The following NUP98 variants were observed in gnomAD, a reference collection of about 807,000 sequenced individuals.
NUP98 encodes the protein nucleoporin 98 and 96 precursor.
In NUP98, 26 loss-of-function variants were observed where a neutral mutation model predicts 191.9. The observed-to-expected ratio is 0.14, with a 90% CI of 0.10 to 0.19. NUP98 has a LOEUF of 0.19. NUP98 is among the 10% of genes least tolerant of loss of function. The pLI is 1.00. For missense variants in NUP98, 1,941 were observed against 2,178.8 expected, an observed-to-expected ratio of 0.89 and a Z score of 2.17; for synonymous variants, 808 against 778.4, an observed-to-expected ratio of 1.04 and a Z score of -0.63.
chr11:3,760,098 A>G (rs1240518852), intron 10 of NUP98: 2 of 160,506 alleles, frequency 1.2e-5, no homozygotes, highest in East Asian at 3.2e-4. Context: ...CGATATAAAG[A>G]CCCTGTTCTC....
chr11:3,702,403 A>T, intron 23 of NUP98, 60 bp downstream of exon 23: 4 of 1,303,692 alleles, frequency 3.1e-6, no homozygotes, highest in African/African-American at 1.6e-5. Context: ...TATCCTCCTG[A>T]TTAGTTTTTT....
chr11:3,726,210 A>AT (rs1193085028), intron 14 of NUP98, among the ~76,000 whole-genome samples: 9 of 152,310 alleles, frequency 5.9e-5, no homozygotes, highest in African/African-American at 1.9e-4. Context: ...TAACAAAAAC[A>AT]TAAAAAAAAA....
Position 3,768,665 on chromosome 11 carries a change from T to C in NUP98, c.864A>G (p.Pro288=). ...NQQTTSLFSK[P]FGQATTTQNT... ...TCTGGGTGGTTGTAGCCTGGCCAAATGGTTTGCTGAAGAGGCTGGTAGTCT... is the reference window on the plus strand; with the variant it reads ...TCTGGGTGGTTGTAGCCTGGCCAAACGGTTTGCTGAAGAGGCTGGTAGTCT... The change falls in exon 8 of 33, where the codon CCA becomes CCG. Residue 288 remains proline, a synonymous_variant. Coordinates refer to ENST00000324932, the MANE Select transcript of NUP98 (RefSeq NM_016320.5). 6.2e-7 allele frequency: 1 copy of C among 1,611,108 alleles called. No homozygotes were observed. Among genetic ancestry groups the C allele is most frequent in the Non-Finnish European group, 8.5e-7 (1 of 1,178,408 alleles).
At chr11:3,794,896 A>T (rs1476844545) in intron 1 of NUP98, among the ~76,000 whole-genome samples, 5 of 152,226 alleles carry the variant, frequency 3.3e-5, no homozygotes. Context: ...TACAGTAGTC[A>T]GTCACCATGC....
chr11:3,698,373 T>C (rs921005886), intron 25 of NUP98, among the ~76,000 whole-genome samples: 3 of 152,168 alleles, frequency 2.0e-5, no homozygotes, highest in Non-Finnish European at 4.4e-5. Context: ...ATTACAAATG[T>C]AATATAAAAT....
intron 1 of NUP98, among the ~76,000 whole-genome samples, chr11:3,795,210 G>A (rs1018781016): frequency 6.6e-6 from 1 of 152,184 alleles, no homozygotes; most frequent in Non-Finnish European, 1.5e-5. Context: ...GGAGGCCGAG[G>A]TGGGGGATGG....
At chr11:3,733,519 T>G (rs188383940) in intron 13 of NUP98, among the ~76,000 whole-genome samples, 4 of 151,742 alleles carry the variant, frequency 2.6e-5, no homozygotes, top group Non-Finnish European at 5.9e-5. Context: ...ACCATGTTGG[T>G]CAGGCTGGTC....
At chr11:3,723,958 A>G (rs569509277) in intron 15 of NUP98, among the ~76,000 whole-genome samples, 2 of 151,946 alleles carry the variant, frequency 1.3e-5, no homozygotes, top group Non-Finnish European at 2.9e-5. Flanking sequence ...GTCCACTAAC[A>G]AGGAACTGGT....
intron 12 of NUP98, among the ~76,000 whole-genome samples, chr11:3,738,689 G>A (rs984024955): frequency 7.4e-6 from 1 of 135,822 alleles, no homozygotes; most frequent in Non-Finnish European, 1.5e-5. Flanking sequence ...TGAGACAGGA[G>A]AATTGTCTGA....
In NUP98 at chr11:3,700,696, A is replaced by C. The variant is rs745636499; in HGVS notation, c.3656T>G (p.Leu1219Arg). Residue 1219 changes from leucine to arginine, a missense_variant, in exon 24 of 33, where the codon CTC (leucine) becomes CGC (arginine). Leu to Arg is a moderately radical substitution (Grantham distance 102). Coordinates refer to ENST00000324932, the MANE Select transcript of NUP98 (RefSeq NM_016320.5). The stretch of plus-strand genomic sequence containing the variant: ...AGCAACTCCCAGATTGGGGACAATG[A>C]GAGGACACAGTTCATCCACATGGAC... Reference protein sequence around the residue: ...STVHVDELCPLIVPNLGVAVI... With the variant: ...STVHVDELCPRIVPNLGVAVI... The C allele has an allele frequency of 4.3e-5, 70 of 1,614,094 alleles. No individual in the cohort carries two copies. The highest frequency in any genetic ancestry group is 5.5e-5 in the Non-Finnish European group (65 of 1,180,030).
At chr11:3,755,015 C>A (rs2080910471) in intron 10 of NUP98, among the ~76,000 whole-genome samples, 1 of 145,230 alleles carries the variant, frequency 6.9e-6, no homozygotes, top group Admixed American at 6.9e-5. Flanking sequence ...CATTACTTTT[C>A]TTTTCTTCAT....
chr11:3,696,084 G>A (rs1234526166), intron 25 of NUP98, among the ~76,000 whole-genome samples: 2 of 152,122 alleles, frequency 1.3e-5, no homozygotes, highest in African/African-American at 2.4e-5. Context: ...CCAGCTACTT[G>A]GAAGGCTAAG....
At chr11:3,747,768 T>C (rs1051064341) in intron 11 of NUP98, among the ~76,000 whole-genome samples, 23 of 152,186 alleles carry the variant, frequency 1.5e-4, no homozygotes, top group African/African-American at 5.1e-4. Flanking sequence ...ACTTAGCTAT[T>C]GCCTCCCAAA....
chr11:3,731,712 C>T, intron 13 of NUP98, 134 bp from the exon 14 acceptor site: 1 of 539,568 alleles, frequency 1.9e-6, no homozygotes, highest in Non-Finnish European at 3.1e-6. Flanking sequence ...GTCTCTGTTC[C>T]CATAAAACAA....
Position 3,704,865 on chromosome 11 carries a change from T to C in NUP98, c.3082+335A>G, listed in dbSNP as rs185606520. On this transcript the variant is annotated intron_variant, in intron 22 of 32. Coordinates refer to ENST00000324932, the MANE Select transcript of NUP98 (RefSeq NM_016320.5). Reference sequence around the variant, plus strand: ...TATAAACATTTAAAAAAATAATTAGTTGAGTAGTGGGTATATGCCCATAGT... The same window carrying C: ...TATAAACATTTAAAAAAATAATTAGCTGAGTAGTGGGTATATGCCCATAGT... Among the ~76,000 whole-genome samples the C allele has an allele frequency of 2.0e-3, 302 of 152,278 alleles. 3 individuals are homozygous for C. Among genetic ancestry groups the C allele is most frequent in the Middle Eastern group, 6.8e-3 (2 of 294 alleles).
intron 11 of NUP98, among the ~76,000 whole-genome samples, chr11:3,745,832 C>T (rs1176111332): frequency 6.6e-6 from 1 of 152,114 alleles, no homozygotes; most frequent in Non-Finnish European, 1.5e-5. Flanking sequence ...AGATATAATA[C>T]TTGCAGGTCA....
In NUP98 at chr11:3,705,306, C is replaced by T. The variant is rs1470928810; in HGVS notation, c.2976G>A (p.Leu992=). Residue 992 remains leucine, a synonymous_variant, in exon 22 of 33, where the codon CTG becomes CTA. Coordinates refer to ENST00000324932, the MANE Select transcript of NUP98 (RefSeq NM_016320.5). Reference sequence around the variant, plus strand: ...AAGGCAGGCGACTGAAGCGTTGATCCAGTGCCATATCTACATCTTCTTCAT... The same window carrying T: ...AAGGCAGGCGACTGAAGCGTTGATCTAGTGCCATATCTACATCTTCTTCAT... The part of the protein sequence containing the change: ...LTDEEDVDMA[L]DQRFSRLPSK... 1.9e-6 allele frequency: 3 copies of T among 1,614,154 alleles called. No homozygotes were observed. The highest frequency in any genetic ancestry group is 2.5e-6 in the Non-Finnish European group (3 of 1,180,012).
At chr11:3,769,383 G>C (rs2081443678) in intron 7 of NUP98, among the ~76,000 whole-genome samples, 1 of 152,000 alleles carries the variant, frequency 6.6e-6, no homozygotes, top group African/African-American at 2.4e-5. Context: ...CTGTGATGGA[G>C]CCACTGCACG....
At chr11:3,789,945 G>A (rs1055829750) in intron 1 of NUP98, among the ~76,000 whole-genome samples, 3 of 151,866 alleles carry the variant, frequency 2.0e-5, no homozygotes, top group African/African-American at 4.8e-5. Context: ...CCACTATACC[G>A]GGTTAATTTT....
Sources: gnomAD v4.1 joint callset for allele counts (sites outside exome capture counted in the v4.1 genomes callset) on GRCh38, gnomAD v4.1.1 for gene constraint, MANE v1.5 for transcripts, NCBI Gene and HGNC (gene_info 2026-07-23, HGNC 2026-07-21) for gene names.